The following CEP57L1 variants were observed in gnomAD, a reference collection of about 807,000 sequenced individuals.
CEP57L1 encodes centrosomal protein CEP57L1.
CEP57L1 carries 37 observed loss-of-function variants against 61.0 expected under a neutral mutation model. The observed-to-expected ratio is 0.61, with a 90% CI of 0.47 to 0.80. CEP57L1 has a LOEUF of 0.80. Ranked by LOEUF, CEP57L1 falls within the 30% of genes least tolerant of loss-of-function variation. CEP57L1 has a pLI of 0.00. For missense variants in CEP57L1, 422 were observed against 524.7 expected (o/e 0.80, Z 1.91); for synonymous variants, 137 against 162.3 (o/e 0.84, Z 1.19).
chr6:109,106,862 C>T (rs971969871), intron 1 of CEP57L1, among the ~76,000 whole-genome samples: 2 of 152,136 alleles, frequency 1.3e-5, no homozygotes, highest in Admixed American at 6.6e-5. Flanking sequence ...ATTTCTTGAA[C>T]TCAGGAGGTA....
intron 7 of CEP57L1, chr6:109,156,335 A>T (rs1213877838): frequency 6.6e-6 from 1 of 151,920 alleles, no homozygotes; most frequent in African/African-American, 2.4e-5. Context: ...ATAGACAATA[A>T]AAAATAAGGT....
chr6:109,116,258 A>C (rs1583429610), intron 1 of CEP57L1, among the ~76,000 whole-genome samples: 1 of 151,744 alleles, frequency 6.6e-6, no homozygotes, highest in African/African-American at 2.4e-5. Context: ...GCTCACTGCA[A>C]CCTCCACCTC....
At chr6:109,110,315 G>A (rs1194388168) in intron 1 of CEP57L1, among the ~76,000 whole-genome samples, 1 of 152,100 alleles carries the variant, frequency 6.6e-6, no homozygotes, top group Admixed American at 6.6e-5. Flanking sequence ...TTTTTCATAT[G>A]TTTGTTGGCT....
Position 109,166,323 on chromosome 6 carries a change from A to G in CEP57L1, c.*3353A>G, listed in dbSNP as rs2114982724. On this transcript the variant is annotated 3_prime_UTR_variant, in exon 11 of 11. Coordinates refer to ENST00000517392, the MANE Select transcript of CEP57L1 (RefSeq NM_001271852.3). Reference sequence around the variant, plus strand: ...TTATTCCTTTTTTTCTATACCTGCCAGTAGATGTGAGAGCTTTTCTTACTT... The same window carrying G: ...TTATTCCTTTTTTTCTATACCTGCCGGTAGATGTGAGAGCTTTTCTTACTT... Among the ~76,000 whole-genome samples the G allele has an allele frequency of 6.6e-6, 1 of 151,700 alleles. No homozygotes were observed. Among genetic ancestry groups the G allele is most frequent in the Admixed American group, 6.6e-5 (1 of 15,222 alleles).
At chr6:109,129,579 A>G (rs1057508654) in intron 1 of CEP57L1, 47 of 454,220 alleles carry the variant, frequency 1.0e-4, no homozygotes, top group Non-Finnish European at 1.2e-4. Flanking sequence ...CCTGTTCTCT[A>G]GTTTCCAGCT....
Position 109,149,958 on chromosome 6 carries a change from T to C in CEP57L1, c.341-160T>C, listed in dbSNP as rs938546879. ...TGTATAAGAATGCTCGTGATTTTTG[T>C]ACATTGATTTTGTATCCTGAGACTT... On this transcript the variant is annotated intron_variant, in intron 3 of 10. Coordinates refer to ENST00000517392, the MANE Select transcript of CEP57L1 (RefSeq NM_001271852.3). Among the ~76,000 whole-genome samples the C allele has an allele frequency of 1.6e-4, 24 of 152,246 alleles. No individual in the cohort carries two copies. The South Asian group carries it at 2.5e-3, about 16-fold the overall frequency.
chr6:109,123,851 C>T (rs1465793585), intron 1 of CEP57L1, among the ~76,000 whole-genome samples: 1 of 152,036 alleles, frequency 6.6e-6, no homozygotes, highest in Admixed American at 6.6e-5. Context: ...GGCAGATCAC[C>T]TGATGACAGG....
In CEP57L1 at chr6:109,161,763, G is replaced by A. The variant is rs75557186; in HGVS notation, c.1162-986G>A. On this transcript the variant is annotated intron_variant, in intron 10 of 10. Coordinates refer to ENST00000517392, the MANE Select transcript of CEP57L1 (RefSeq NM_001271852.3). ...AAGAATTATCACTTTTAAAACTCAG[G>A]TTGTATATATATACTATATTTTTAA... Among the ~76,000 whole-genome samples, 10 of 151,982 alleles carry A rather than the reference G, an allele frequency of 6.6e-5. No individual in the cohort carries two copies. The East Asian group carries it at 1.9e-3, about 29-fold the overall frequency.
rs1774239190 is a variant in CEP57L1, at chr6:109,131,864, T to A, written c.-3-13355T>A. ...TGGGCTTTAAAGAAGTAGTCCTGCT[T>A]GCATGGGACAGAGGAAGTCTGAGCC... On this transcript the variant is annotated intron_variant, in intron 1 of 10. Coordinates refer to ENST00000517392, the MANE Select transcript of CEP57L1 (RefSeq NM_001271852.3). 4.6e-5 allele frequency among the ~76,000 whole-genome samples: 7 copies of A among 152,074 alleles called. No individual in the cohort carries two copies. The South Asian group carries it at 1.2e-3, about 27-fold the overall frequency.
In CEP57L1 at chr6:109,145,378, C is replaced by T. The variant is rs1771853741; in HGVS notation, c.157C>T (p.Gln53Ter). ...SPKILHSPNS[Q>*]ALILALKTLQ... is the part of the protein sequence containing the mutation. ...TAAGATACTTCATAGCCCAAATAGC[C>T]AAGGTAATGCTGATATAAAATTTGA... The change falls in exon 2 of 11, where the codon CAA becomes TAA. Residue 53 changes from glutamine to a stop codon, truncating the protein, a stop_gained. Transcript: ENST00000517392. LOFTEE classifies it high-confidence loss of function. 6.4e-7 allele frequency: 1 copy of T among 1,572,690 alleles called. No individual in the cohort carries two copies. The highest frequency in any genetic ancestry group is 8.6e-7 in the Non-Finnish European group (1 of 1,160,938).
chr6:109,150,327 G>C, intron 4 of CEP57L1, 88 bp downstream of exon 4: 1 of 1,508,548 alleles, frequency 6.6e-7, no homozygotes, highest in Non-Finnish European at 9.1e-7. Flanking sequence ...CAAAGGCAAA[G>C]GTGGCATAAT....
intron 1 of CEP57L1, among the ~76,000 whole-genome samples, chr6:109,118,360 A>C (rs1415313276): frequency 1.3e-5 from 2 of 151,982 alleles, no homozygotes; most frequent in Non-Finnish European, 2.9e-5. Context: ...TTAACCTCCC[A>C]CCTCAGCTAG....
intron 1 of CEP57L1, among the ~76,000 whole-genome samples, chr6:109,132,973 G>T (rs1414751945): frequency 2.6e-5 from 4 of 151,928 alleles, no homozygotes; most frequent in Non-Finnish European, 5.9e-5. Flanking sequence ...AGTTCTTCAG[G>T]TATTTTGAGT....
intron 3 of CEP57L1, among the ~76,000 whole-genome samples, chr6:109,147,263 A>T (rs934855636): frequency 2.0e-5 from 3 of 152,054 alleles, no homozygotes; most frequent in African/African-American, 7.2e-5. Flanking sequence ...TTTATTTTTT[A>T]TTTTATTTAT....
intron 1 of CEP57L1, among the ~76,000 whole-genome samples, chr6:109,132,377 T>C (rs1216665724): frequency 6.6e-6 from 1 of 152,174 alleles, no homozygotes; most frequent in Non-Finnish European, 1.5e-5. Flanking sequence ...TGTATGATAC[T>C]CTTCTTCAGT....
chr6:109,153,774 T>C, intron 4 of CEP57L1, 59 bp from the exon 5 acceptor site: 1 of 877,004 alleles, frequency 1.1e-6, no homozygotes, highest in Non-Finnish European at 1.9e-6. Flanking sequence ...GTATTATTCT[T>C]GTTCCATTGG....
At chr6:109,102,086 C>A (rs1227842083) in intron 1 of CEP57L1, among the ~76,000 whole-genome samples, 1 of 152,146 alleles carries the variant, frequency 6.6e-6, no homozygotes, top group Non-Finnish European at 1.5e-5. Context: ...TTGGTGATTC[C>A]CCAATGACAT....
intron 1 of CEP57L1, among the ~76,000 whole-genome samples, chr6:109,107,889 C>G (rs1408862393): frequency 6.6e-6 from 1 of 151,812 alleles, no homozygotes; most frequent in East Asian, 1.9e-4. Context: ...TGTAGTGAGA[C>G]GAGATCGTGC....
intron 1 of CEP57L1, among the ~76,000 whole-genome samples, chr6:109,096,792 C>T (rs1781754131): frequency 6.6e-6 from 1 of 152,178 alleles, no homozygotes. Context: ...CCGTTTTCAT[C>T]TCCTTTTTGG....
Sources: gnomAD v4.1 joint callset for allele counts (sites outside exome capture counted in the v4.1 genomes callset) on GRCh38, gnomAD v4.1.1 for gene constraint, MANE v1.5 for transcripts, NCBI Gene and HGNC (gene_info 2026-07-23, HGNC 2026-07-21) for gene names.